The following ZNF407 variants were observed in gnomAD, a reference collection of about 807,000 sequenced individuals.
ZNF407 encodes the protein zinc finger protein 407.
ZNF407 carries 17 observed loss-of-function variants against 131.2 expected under a neutral mutation model. The ratio of observed to expected loss-of-function variants is 0.13; its 90% confidence interval spans 0.09 to 0.19. The LOEUF (loss-of-function observed/expected upper bound fraction) is 0.19, where lower values mean the gene tolerates loss of function less well. Ranked by LOEUF, ZNF407 falls within the 10% of genes least tolerant of loss-of-function variation. ZNF407 has a pLI of 1.00. For missense variants in ZNF407, 2,681 were observed against 2,830.6 expected, an observed-to-expected ratio of 0.95 and a Z score of 1.20; for synonymous variants, 1,156 against 1,062.0, an observed-to-expected ratio of 1.09 and a Z score of -1.72.
intron 4 of ZNF407, among the ~76,000 whole-genome samples, chr18:74,852,194 C>T (rs935843380): frequency 1.6e-5 from 1 of 60,754 alleles, no homozygotes. Flanking sequence ...CACACACACA[C>T]ACACGCACGC....
intron 4 of ZNF407, among the ~76,000 whole-genome samples, chr18:74,825,846 A>C (rs1463752933): frequency 6.6e-6 from 1 of 152,232 alleles, no homozygotes; most frequent in Admixed American, 6.5e-5. Context: ...AATTTAAAAC[A>C]GTCAGAAAAT....
At chr18:75,010,435 G>C (rs990426051) in intron 8 of ZNF407, among the ~76,000 whole-genome samples, 2 of 152,144 alleles carry the variant, frequency 1.3e-5, no homozygotes, top group Non-Finnish European at 2.9e-5. Context: ...CCCAAAAACA[G>C]CAACAGTCAT....
intron 7 of ZNF407, among the ~76,000 whole-genome samples, chr18:74,914,573 T>C (rs978994457): frequency 6.6e-6 from 1 of 152,204 alleles, no homozygotes; most frequent in African/African-American, 2.4e-5. Context: ...AGATAATGCA[T>C]AGATTACATT....
intron 8 of ZNF407, among the ~76,000 whole-genome samples, chr18:75,015,861 T>C (rs9947115): frequency 0.16 from 23,779 of 151,992 alleles, 2,059 homozygotes; most frequent in Admixed American, 0.27. Flanking sequence ...GGACTTCTTC[T>C]GACATTGCAG....
At chr18:74,926,975 A>G (rs559032082) in intron 8 of ZNF407, among the ~76,000 whole-genome samples, 2 of 152,198 alleles carry the variant, frequency 1.3e-5, no homozygotes, top group South Asian at 4.2e-4. Flanking sequence ...GGTGATCCTA[A>G]TTGTTCTAGA....
At chr18:75,059,599 T>TGC (rs1240343531) in intron 8 of ZNF407, among the ~76,000 whole-genome samples, 2 of 152,116 alleles carry the variant, frequency 1.3e-5, no homozygotes, top group Admixed American at 1.3e-4. Context: ...GGGGAGAAAT[T>TGC]GCAAGCATAC....
chr18:74,753,956 G>A lies in ZNF407; in HGVS notation c.4803-27472G>A, dbSNP rs937711763. 5.8e-4 allele frequency among the ~76,000 whole-genome samples: 88 copies of A among 152,178 alleles called. 1 individual carries two copies. The highest frequency in any genetic ancestry group is 1.9e-3 in the African/African-American group (79 of 41,532). ...ATAACAGCTCCTCTTTGTAGAATTT[G>A]GCTGTGAATCCGTCTGGTCCTGACT... On this transcript the variant is annotated intron_variant, in intron 3 of 8. Transcript: ENST00000299687.
intron 8 of ZNF407, among the ~76,000 whole-genome samples, chr18:74,938,575 T>C (rs1972064488): frequency 6.6e-6 from 1 of 152,230 alleles, no homozygotes; most frequent in Non-Finnish European, 1.5e-5. Context: ...TTTCAAATGT[T>C]AAATGCTGTC....
At chr18:74,736,229 GCACT>G (rs754906314) in intron 3 of ZNF407, among the ~76,000 whole-genome samples, 131 of 152,028 alleles carry the variant, frequency 8.6e-4, no homozygotes, top group Non-Finnish European at 1.7e-3. Flanking sequence ...GCTGTGTTTT[GCACT>G]CAATTATATT....
intron 3 of ZNF407, among the ~76,000 whole-genome samples, chr18:74,719,679 G>A (rs1014769079): frequency 2.6e-5 from 4 of 152,104 alleles, no homozygotes; most frequent in African/African-American, 4.8e-5. Flanking sequence ...CTGGGATTAC[G>A]GGCGTGAGCC....
At chr18:74,840,497 C>T (rs570660943) in intron 4 of ZNF407, among the ~76,000 whole-genome samples, 2 of 152,270 alleles carry the variant, frequency 1.3e-5, no homozygotes, top group Non-Finnish European at 2.9e-5. Flanking sequence ...CACCACCTCA[C>T]CATCCCTCCC....
chr18:74,707,789 G>A (rs1219520270), intron 3 of ZNF407, among the ~76,000 whole-genome samples: 1 of 152,132 alleles, frequency 6.6e-6, no homozygotes, highest in Non-Finnish European at 1.5e-5. Flanking sequence ...TGAGACTGAG[G>A]TTGTTTCTTC....
chr18:74,924,622 T>C (rs1012591628), intron 8 of ZNF407, among the ~76,000 whole-genome samples: 1 of 152,186 alleles, frequency 6.6e-6, no homozygotes, highest in South Asian at 2.1e-4. Context: ...ATTAAATACA[T>C]GTCTGTGTTT....
At chr18:74,782,073 A>G (rs1969613863) in intron 4 of ZNF407, among the ~76,000 whole-genome samples, 1 of 152,170 alleles carries the variant, frequency 6.6e-6, no homozygotes, top group Non-Finnish European at 1.5e-5. Flanking sequence ...ATATTAGGTG[A>G]ACTGAAATAT....
intron 3 of ZNF407, among the ~76,000 whole-genome samples, chr18:74,656,530 G>A (rs570908687): frequency 5.3e-5 from 8 of 152,092 alleles, no homozygotes; most frequent in Non-Finnish European, 7.4e-5. Flanking sequence ...CCCCTCTGGC[G>A]TCACGAACCT....
intron 3 of ZNF407, among the ~76,000 whole-genome samples, chr18:74,693,685 A>G (rs1967283782): frequency 6.6e-6 from 1 of 152,024 alleles, no homozygotes; most frequent in African/African-American, 2.4e-5. Context: ...AGTATTTCGA[A>G]GTACCTTGGT....
intron 3 of ZNF407, among the ~76,000 whole-genome samples, chr18:74,676,612 T>G (rs1986389437): frequency 6.6e-6 from 1 of 151,886 alleles, no homozygotes; most frequent in African/African-American, 2.4e-5. Context: ...AATTTTGTAT[T>G]TTTAGTAGAG....
At chr18:75,000,449 A>G (rs1972831802) in intron 8 of ZNF407, among the ~76,000 whole-genome samples, 2 of 152,240 alleles carry the variant, frequency 1.3e-5, no homozygotes, top group Admixed American at 1.3e-4. Context: ...TGAAATGGTC[A>G]TATCCGTCAG....
chr18:74,978,078 C>G (rs371988477), intron 8 of ZNF407, among the ~76,000 whole-genome samples: 116 of 152,204 alleles, frequency 7.6e-4, no homozygotes, highest in African/African-American at 2.7e-3. Context: ...TTTATCAAAT[C>G]AGGTTGTTTA....
Sources: allele counts gnomAD v4.1 joint callset (sites outside exome capture counted in the v4.1 genomes callset), GRCh38; gene constraint gnomAD v4.1.1; transcripts MANE v1.5; gene names NCBI Gene and HGNC (gene_info 2026-07-23, HGNC 2026-07-21).